AQP12A: variants seen among roughly 807,000 people sequenced by gnomAD.
The protein encoded by AQP12A is aquaporin 12A.
Under a neutral mutation model 12.2 loss-of-function variants are expected in AQP12A, and 11 were observed. The observed-to-expected ratio is 0.90, with a 90% CI of 0.57 to 1.49. The LOEUF is 1.49. AQP12A is among the 40% of genes most tolerant of loss of function. The pLI is 0.00. For synonymous variants in AQP12A, 101 were observed against 127.1 expected, an observed-to-expected ratio of 0.79 and a Z score of 1.38; for missense variants, 203 against 260.8, an observed-to-expected ratio of 0.78 and a Z score of 1.53.
In AQP12A at chr2:240,692,078, G is replaced by T; in HGVS notation, c.128G>T (p.Arg43Met). 6.3e-7 allele frequency: 1 copy of T among 1,581,530 alleles called. No individual in the cohort carries two copies. Among genetic ancestry groups the T allele is most frequent in the South Asian group, 1.1e-5 (1 of 88,616 alleles). ...AYEVFAREAM[R>M]TLVELGPWAG... ...CTCGGGCCCTGCTGCCTGGAGATGA[G>T]GACGCTGGTCGAGCTCGGGCCCTGG... Residue 43 changes from arginine to methionine, a missense_variant, in exon 2 of 4, where the codon AGG (arginine) becomes ATG (methionine). By Grantham distance (91) the Arg-to-Met change is moderately conservative. Transcript: ENST00000337801.
At position 240,692,277 on chromosome 2, in the gene AQP12A, C is replaced by A. The variant is rs1221582731; in HGVS notation, c.327C>A (p.Gly109=). 1.3e-6 allele frequency: 2 copies of A among 1,578,662 alleles called. No individual in the cohort carries two copies. Among genetic ancestry groups the A allele is most frequent in the Non-Finnish European group, 1.7e-6 (2 of 1,167,472 alleles). ...TGAAGCTGGCGGCACAGGGGCTGGG[C>A]ATGCAGGCCGCCTGCACCCTGATGC... ...TLLKLAAQGL[G]MQAACTLMRL... The change falls in exon 2 of 4, where the codon GGC becomes GGA. Residue 109 remains glycine (G), a synonymous_variant. Coordinates refer to ENST00000337801, the MANE Select transcript of AQP12A (RefSeq NM_198998.3).
Position 240,691,919 on chromosome 2 carries a change from A to G in AQP12A, c.6A>G (p.Ala2=), listed in dbSNP as rs767687189. Residue 2 remains alanine (A), a synonymous_variant, in exon 1 of 4, where the codon GCA becomes GCG. Coordinates refer to ENST00000337801, the MANE Select transcript of AQP12A (RefSeq NM_198998.3). ...TCCTCGGGGGGCCCAGGCCGATGGC[A>G]GGTCTTAACGTGTCCCTCTCCTTCT... M[A]GLNVSLSFFF... is the part of the protein sequence containing the mutation. 1.3e-6 allele frequency: 2 copies of G among 1,594,814 alleles called. No homozygotes were observed. Among genetic ancestry groups the G allele is most frequent in the Non-Finnish European group, 1.7e-6 (2 of 1,173,596 alleles).
In AQP12A at chr2:240,691,939, CCTT is replaced by C. The variant is rs1046294922; in HGVS notation, c.33_35del (p.Phe12del). The C allele has an allele frequency of 1.0e-5, 16 of 1,596,240 alleles. 1 individual carries two copies. Among genetic ancestry groups the C allele is most frequent in the Admixed American group, 3.7e-5 (2 of 54,468 alleles). ...ATGGCAGGTCTTAACGTGTCCCTCT[CCTT>C]CTTCTTTGCCACCTTCGCCCTCTGT... On this transcript the variant is annotated inframe_deletion, in exon 1 of 4. Transcript: ENST00000337801.
intron 2 of AQP12A, among the ~76,000 whole-genome samples, chr2:240,692,725 T>TC (rs2044081863): frequency 1.3e-5 from 2 of 150,990 alleles, no homozygotes; most frequent in African/African-American, 4.9e-5. Context: ...GAGCAGCCTG[T>TC]CCCCTGCCAG....
chr2:240,693,018 C>A (rs1485013300), intron 2 of AQP12A, among the ~76,000 whole-genome samples: 7 of 152,276 alleles, frequency 4.6e-5, no homozygotes, highest in Non-Finnish European at 8.8e-5. Context: ...ATGGTCCCAT[C>A]ACCCCCTTGT....
intron 2 of AQP12A, among the ~76,000 whole-genome samples, chr2:240,693,915 T>A (rs2125521417): frequency 1.8e-5 from 1 of 54,832 alleles, no homozygotes; most frequent in South Asian, 5.1e-4. Flanking sequence ...CTGTCTCTCC[T>A]CTCTCTCTCT....
In AQP12A at chr2:240,693,247, G is replaced by A. The variant is rs2044087355; in HGVS notation, c.571+726G>A. Among the ~76,000 whole-genome samples, 3 of 152,042 alleles carry A rather than the reference G, an allele frequency of 2.0e-5. No individual in the cohort carries two copies. In the South Asian group the frequency reaches 6.2e-4, roughly 32 times the overall value. ...AATGGTGCCAGGTCTCCTTCCGGGG[G>A]TCCGAGGTCCTAATCAGGACAGGAC... On this transcript the variant is annotated intron_variant, in intron 2 of 3. Transcript: ENST00000337801.
intron 2 of AQP12A, 119 bp downstream of exon 2, chr2:240,692,640 AC>A: frequency 1.6e-6 from 1 of 611,826 alleles, no homozygotes; most frequent in Non-Finnish European, 2.8e-6. Context: ...TGGCCAACAA[AC>A]CCACAAGAAG....
chr2:240,693,849 C>A (rs1160706021), intron 2 of AQP12A, among the ~76,000 whole-genome samples: 1 of 68,890 alleles, frequency 1.5e-5, no homozygotes, highest in African/African-American at 1.1e-4. Flanking sequence ...TCCTCTCTCT[C>A]TCTGTCTCTC....
In AQP12A at chr2:240,692,475, C is replaced by T. The variant is rs1409450222; in HGVS notation, c.525C>T (p.Tyr175=). ...ACCTGCGGCACAGTCCTCCCGCCTA[C>T]AGCGGGCCCGCTGTGGCTCTGTTGG... The part of the protein sequence containing the change: ...LLHLRHSPPA[Y]SGPAVALLVT... The change falls in exon 2 of 4, where the codon TAC becomes TAT. Residue 175 remains tyrosine, a synonymous_variant. Coordinates refer to ENST00000337801, the MANE Select transcript of AQP12A (RefSeq NM_198998.3). The T allele has an allele frequency of 2.7e-6, 4 of 1,482,794 alleles. No homozygotes were observed. Among genetic ancestry groups the T allele is most frequent in the African/African-American group, 3.0e-5 (2 of 66,324 alleles). 91.9% of individuals were successfully genotyped at this position (1,482,794 alleles called of 1,614,324 possible).
chr2:240,693,273 C>A (rs2044087675), intron 2 of AQP12A, among the ~76,000 whole-genome samples: 1 of 152,206 alleles, frequency 6.6e-6, no homozygotes, highest in Non-Finnish European at 1.5e-5. Flanking sequence ...AGGACAGGAC[C>A]AGCACTTAGG....
intron 2 of AQP12A, among the ~76,000 whole-genome samples, chr2:240,692,870 G>A (rs2044083337): frequency 6.6e-6 from 1 of 150,426 alleles, no homozygotes; most frequent in Non-Finnish European, 1.5e-5. Context: ...TGGTGTGGGA[G>A]TCCCTGCACC....
At chr2:240,693,394 G>A (rs1353848285) in intron 2 of AQP12A, among the ~76,000 whole-genome samples, 3 of 152,294 alleles carry the variant, frequency 2.0e-5, no homozygotes, top group East Asian at 1.9e-4. Context: ...ACTGAGGCAC[G>A]GGTGAGCGGG....
intron 3 of AQP12A, among the ~76,000 whole-genome samples, chr2:240,696,228 AG>A (rs2044108078): frequency 2.7e-5 from 1 of 36,640 alleles, no homozygotes; most frequent in South Asian, 9.8e-4. Context: ...TGAGTTTCTC[AG>A]GCCCCAACCA....
chr2:240,693,507 G>A (rs1410448046), intron 2 of AQP12A, among the ~76,000 whole-genome samples: 19 of 151,770 alleles, frequency 1.3e-4, no homozygotes, highest in Admixed American at 2.6e-4. Flanking sequence ...GGCACAGGGC[G>A]CCTGGTCTCA....
Position 240,692,205 on chromosome 2 carries a change from C to T in AQP12A, c.255C>T (p.Ser85=), listed in dbSNP as rs758912676. The T allele has an allele frequency of 6.3e-6, 10 of 1,580,732 alleles. 1 individual carries two copies. The highest frequency in any genetic ancestry group is 5.7e-5 in the South Asian group (5 of 88,366). The change falls in exon 2 of 4, where the codon TCC becomes TCT. Residue 85 remains serine (S), a synonymous_variant. Transcript: ENST00000337801. ...LDGASANPTV[S]LQEFLMAEQS... Reference sequence around the variant, plus strand: ...GGGCCTCGGCCAACCCCACTGTGTCCCTGCAGGAGTTCCTCATGGCCGAGC... The same window carrying T: ...GGGCCTCGGCCAACCCCACTGTGTCTCTGCAGGAGTTCCTCATGGCCGAGC...
chr2:240,693,684 TG>T (rs1283130206), intron 2 of AQP12A, among the ~76,000 whole-genome samples: 1 of 151,922 alleles, frequency 6.6e-6, no homozygotes, highest in Non-Finnish European at 1.5e-5. Context: ...CACCCAGGCC[TG>T]GGGCTGCAGG....
In AQP12A at chr2:240,692,115, T is replaced by C. The variant is rs374260739; in HGVS notation, c.165T>C (p.Phe55=). The C allele has an allele frequency of 1.0e-5, 16 of 1,583,616 alleles. No homozygotes were observed. The highest frequency in any genetic ancestry group is 1.9e-5 in the Admixed American group (1 of 52,710). The change falls in exon 2 of 4, where the codon TTT becomes TTC. Residue 55 remains phenylalanine (F), a synonymous_variant. Coordinates refer to ENST00000337801, the MANE Select transcript of AQP12A (RefSeq NM_198998.3). ...LVELGPWAGD[F]GPDLLLTLLF... ...AGCTCGGGCCCTGGGCTGGGGACTT[T>C]GGGCCTGACCTGCTGCTCACCCTGC...
intron 2 of AQP12A, among the ~76,000 whole-genome samples, chr2:240,693,441 G>A (rs569918387): frequency 2.3e-3 from 356 of 152,182 alleles, no homozygotes; most frequent in African/African-American, 8.2e-3. Flanking sequence ...CAGATTGCCC[G>A]GGCCTCTGTC....
Sources: allele counts gnomAD v4.1 joint callset (sites outside exome capture counted in the v4.1 genomes callset), GRCh38; gene constraint gnomAD v4.1.1; transcripts MANE v1.5; gene names NCBI Gene and HGNC (gene_info 2026-07-23, HGNC 2026-07-21).